ORC6: variants seen among roughly 807,000 people sequenced by gnomAD.
The protein encoded by ORC6 is origin recognition complex, subunit 6 homolog-like (yeast).
In ORC6, 31 loss-of-function variants were observed where a neutral mutation model predicts 30.0. The ratio of observed to expected loss-of-function variants is 1.03; its 90% CI spans 0.78 to 1.40. The LOEUF (loss-of-function observed/expected upper bound fraction) is 1.40, where lower values mean the gene tolerates loss of function less well. Ranked by LOEUF, ORC6 falls within the 40% of genes most tolerant of loss-of-function variation. The probability of loss-of-function intolerance (pLI) is 0.00; values close to 1 mark genes in which losing one functional copy is unlikely to be tolerated. For missense variants in ORC6, 340 were observed against 304.3 expected (o/e 1.12, Z -0.87); for synonymous variants, 136 against 111.2 (o/e 1.22, Z -1.40).
chr16:46,694,256 CT>C (rs1966488767), intron 4 of ORC6: 1 of 98,878 alleles, frequency 1.0e-5, no homozygotes, highest in Non-Finnish European at 2.1e-5. Context: ...CCCATGTCTA[CT>C]TCTTTCTACA....
At chr16:46,692,973 C>T (rs1966464880) in intron 3 of ORC6, 120 bp from the exon 4 acceptor site, 1 of 739,782 alleles carries the variant, frequency 1.4e-6, no homozygotes, top group South Asian at 1.4e-5. Flanking sequence ...AAAAAAATGA[C>T]TCGTGTTAAG....
intron 1 of ORC6, 103 bp from the exon 2 acceptor site, chr16:46,690,888 A>G: frequency 8.4e-7 from 1 of 1,195,688 alleles, no homozygotes; most frequent in South Asian, 1.2e-5. Context: ...GAGCCACAGG[A>G]GTTAGGCTTA....
At position 46,692,560 on chromosome 16, in the gene ORC6, G is replaced by A. The variant is rs1177253515; in HGVS notation, c.359+15G>A. On this transcript the variant is annotated intron_variant, in intron 3 of 6. Transcript: ENST00000219097. ...ATACTAAAAAGGTATGGGGCATAGA[G>A]AACCTTAATTGAAAATGTATACCAA... The A allele has an allele frequency of 1.2e-6, 2 of 1,610,092 alleles. No homozygotes were observed. The highest frequency in any genetic ancestry group is 1.7e-6 in the Non-Finnish European group (2 of 1,176,964).
Position 46,689,725 on chromosome 16 carries a change from G to C in ORC6, c.20G>C (p.Gly7Ala). The part of the protein sequence containing the change: MGSELI[G>A]RLAPRLGLAE... ...GGCGCCATGGGGTCGGAGCTGATCGGGCGCCTAGCCCCGCGCCTGGGCCTC... is the reference window on the plus strand; with the variant it reads ...GGCGCCATGGGGTCGGAGCTGATCGCGCGCCTAGCCCCGCGCCTGGGCCTC... The change falls in exon 1 of 7, where the codon GGG becomes GCG. Residue 7 changes from glycine to alanine, a missense_variant. Gly to Ala is a moderately conservative substitution (Grantham distance 60). Coordinates refer to ENST00000219097, the MANE Select transcript of ORC6 (RefSeq NM_014321.4). 6.2e-7 allele frequency: 1 copy of C among 1,602,632 alleles called. No homozygotes were observed.
rs763644497 is a variant in ORC6 at position 46,689,678 on chromosome 16, G to T, written c.-28G>T. On this transcript the variant is annotated 5_prime_UTR_variant, in exon 1 of 7. Transcript: ENST00000219097. ...GGTTTCGTTGACCCGCGGCGTTCAC[G>T]GGAATTGTTCGCTTTAGTGCCGGCG... is the stretch of plus-strand genomic sequence containing the variant. The T allele has an allele frequency of 1.3e-6, 2 of 1,591,972 alleles. No individual in the cohort carries two copies. Among genetic ancestry groups the T allele is most frequent in the East Asian group, 2.3e-5 (1 of 44,168 alleles).
Position 46,689,701 on chromosome 16 carries a change from G to A in ORC6, c.-5G>A. On this transcript the variant is annotated 5_prime_UTR_variant, in exon 1 of 7. Coordinates refer to ENST00000219097, the MANE Select transcript of ORC6 (RefSeq NM_014321.4). Reference sequence around the variant, plus strand: ...ACGGGAATTGTTCGCTTTAGTGCCGGCGCCATGGGGTCGGAGCTGATCGGG... The same window carrying A: ...ACGGGAATTGTTCGCTTTAGTGCCGACGCCATGGGGTCGGAGCTGATCGGG... 6.3e-7 allele frequency: 1 copy of A among 1,599,406 alleles called. No homozygotes were observed. Among genetic ancestry groups the A allele is most frequent in the East Asian group, 2.3e-5 (1 of 44,416 alleles).
chr16:46,697,304 A>G (rs1394579035), intron 6 of ORC6, among the ~76,000 whole-genome samples, 154 bp from the exon 7 acceptor site: 1 of 152,230 alleles, frequency 6.6e-6, no homozygotes, highest in Non-Finnish European at 1.5e-5. Flanking sequence ...GAGCAACATT[A>G]CAAGACCCCA....
intron 6 of ORC6, among the ~76,000 whole-genome samples, chr16:46,696,416 A>G (rs1188063706): frequency 6.6e-6 from 1 of 152,172 alleles, no homozygotes. Context: ...TCTGATGGGA[A>G]GTCCCTAGTT....
In ORC6 at chr16:46,698,180, GATGGATA is replaced by G. The variant is rs777504221; in HGVS notation, c.*596_*602del. The G allele has an allele frequency of 9.0e-6, 4 of 446,812 alleles. No homozygotes were observed. The highest frequency in any genetic ancestry group is 4.1e-5 in the African/African-American group (2 of 48,420). The allele number at this position is 446,812 out of a possible 1,614,324, so 27.7% of individuals were successfully genotyped here. A position where few individuals can be genotyped will look rare whatever the true frequency, so the allele number is the denominator to read the frequency against. On this transcript the variant is annotated 3_prime_UTR_variant, in exon 7 of 7. Transcript: ENST00000219097. ...AGACTTATAGATAGATAGATAGATA[GATGGATA>G]GATAGATAGATAGATAGATAGATAG... is the stretch of plus-strand genomic sequence containing the variant.
chr16:46,691,951 C>CAA, intron 2 of ORC6, among the ~76,000 whole-genome samples: 2 of 98,206 alleles, frequency 2.0e-5, no homozygotes, highest in African/African-American at 7.7e-5. Context: ...CACACACACA[C>CAA]ACACACACTC....
intron 2 of ORC6, among the ~76,000 whole-genome samples, chr16:46,691,377 C>T (rs1165418584): frequency 6.6e-6 from 1 of 152,174 alleles, no homozygotes; most frequent in Admixed American, 6.5e-5. Flanking sequence ...CTAGCATTAC[C>T]CTCCTTTTAA....
Position 46,689,710 on chromosome 16 carries a change from G to T in ORC6, c.5G>T (p.Gly2Val), listed in dbSNP as rs761208871. 8 of 1,601,558 alleles carry T rather than the reference G, an allele frequency of 5.0e-6. No homozygotes were observed. Among genetic ancestry groups the T allele is most frequent in the South Asian group, 4.5e-5 (4 of 89,218 alleles). M[G>V]SELIGRLAPR... is the part of the protein sequence containing the mutation. The stretch of plus-strand genomic sequence containing the variant: ...GTTCGCTTTAGTGCCGGCGCCATGG[G>T]GTCGGAGCTGATCGGGCGCCTAGCC... The change falls in exon 1 of 7, where the codon GGG (glycine) becomes GTG (valine). Residue 2 changes from glycine to valine, a missense_variant. Physicochemically the swap from Gly to Val is moderately radical, Grantham distance 109. Transcript: ENST00000219097.
intron 2 of ORC6, among the ~76,000 whole-genome samples, chr16:46,691,620 G>A (rs921028312): frequency 2.7e-4 from 41 of 152,208 alleles, no homozygotes; most frequent in Admixed American, 1.0e-3. Context: ...GTGTCATAAC[G>A]ATACACTCAT....
rs1387294859 is a variant in ORC6, at chr16:46,689,727, C to A, written c.22C>A (p.Arg8Ser). 6.2e-7 allele frequency: 1 copy of A among 1,601,942 alleles called. No homozygotes were observed. Among genetic ancestry groups the A allele is most frequent in the South Asian group, 1.1e-5 (1 of 89,330 alleles). The change falls in exon 1 of 7, where the codon CGC becomes AGC. Residue 8 changes from arginine to serine, a missense_variant. Transcript: ENST00000219097. ...CGCCATGGGGTCGGAGCTGATCGGGCGCCTAGCCCCGCGCCTGGGCCTCGC... is the reference window on the plus strand; with the variant it reads ...CGCCATGGGGTCGGAGCTGATCGGGAGCCTAGCCCCGCGCCTGGGCCTCGC... MGSELIG[R>S]LAPRLGLAEP...
chr16:46,694,634 G>GGC (rs1966499277), intron 4 of ORC6: 1 of 146,674 alleles, frequency 6.8e-6, no homozygotes, highest in South Asian at 2.1e-4. Flanking sequence ...TGGCCGGGCG[G>GGC]GGGGCTGACC....
rs1272014004 is a variant in ORC6, at chr16:46,698,020, CA to C, written c.*436del. 2.4e-6 allele frequency: 1 copy of C among 411,768 alleles called. No individual in the cohort carries two copies. Among genetic ancestry groups the C allele is most frequent in the East Asian group, 7.2e-5 (1 of 13,882 alleles). 25.5% of individuals were successfully genotyped at this position (411,768 alleles called of 1,614,324 possible). On this transcript the variant is annotated 3_prime_UTR_variant, in exon 7 of 7. Transcript: ENST00000219097. ...ATCCCAGCTCCTCAGTAGGCTGAGACAGGAGCATCACTTGAACGTGGGAGGC... is the reference window on the plus strand; with the variant it reads ...ATCCCAGCTCCTCAGTAGGCTGAGACGGAGCATCACTTGAACGTGGGAGGC...
At position 46,697,492 on chromosome 16, in the gene ORC6, A is replaced by G. The variant is rs775204856; in HGVS notation, c.666A>G (p.Pro222=). ...AGGTAGAGGAGATGCCACATAAACC[A>G]CAGAAAGATGAAGATCTGACACAGG... ...MEKVEEMPHK[P]QKDEDLTQDY... The change falls in exon 7 of 7, where the codon CCA becomes CCG. Residue 222 remains proline, a synonymous_variant. Transcript: ENST00000219097. 29 of 1,613,526 alleles carry G rather than the reference A, an allele frequency of 1.8e-5. No homozygotes were observed. Among genetic ancestry groups the G allele is most frequent in the Non-Finnish European group, 2.5e-5 (29 of 1,179,556 alleles).
intron 2 of ORC6, 123 bp from the exon 3 acceptor site, chr16:46,692,259 T>C: frequency 1.3e-6 from 1 of 767,442 alleles, no homozygotes; most frequent in Admixed American, 2.2e-5. Context: ...AACCTTTAGG[T>C]AGAGTGACTT....
chr16:46,695,415 A>G (rs1249690637), intron 4 of ORC6, 147 bp from the exon 5 acceptor site: 1 of 649,878 alleles, frequency 1.5e-6, no homozygotes, highest in South Asian at 1.8e-5. Flanking sequence ...AACTTAGCAT[A>G]GATAATAACA....
Sources: gnomAD v4.1 joint callset for allele counts (sites outside exome capture counted in the v4.1 genomes callset) on GRCh38, gnomAD v4.1.1 for gene constraint, MANE v1.5 for transcripts, NCBI Gene and HGNC (gene_info 2026-07-23, HGNC 2026-07-21) for gene names.